XPO7: variants seen among roughly 807,000 people sequenced by gnomAD.
XPO7 encodes exportin-7.
XPO7 carries 21 observed loss-of-function variants against 144.3 expected under a neutral mutation model. That is an observed-to-expected ratio of 0.15 (90% CI 0.10 to 0.21). The LOEUF (loss-of-function observed/expected upper bound fraction) is 0.21. XPO7 is among the 10% of genes least tolerant of loss of function. XPO7 has a pLI of 1.00. For missense variants in XPO7, 808 were observed against 1,325.8 expected, an observed-to-expected ratio of 0.61 and a Z score of 6.06; for synonymous variants, 580 against 499.6, an observed-to-expected ratio of 1.16 and a Z score of -2.15.
chr8:21,925,681 G>C (rs141546104), intron 1 of XPO7, among the ~76,000 whole-genome samples: 72 of 152,264 alleles, frequency 4.7e-4, no homozygotes, highest in Non-Finnish European at 9.1e-4. Flanking sequence ...TGGGAAACTC[G>C]TTTGGTCTCT....
chr8:21,998,711 A>G lies in XPO7; in HGVS notation c.2346-44A>G, dbSNP rs773713306. 27 of 1,587,364 alleles carry G rather than the reference A, an allele frequency of 1.7e-5. No individual in the cohort carries two copies. In the Admixed American group the frequency reaches 3.0e-4, roughly 18 times the overall value. Reference sequence around the variant, plus strand: ...GAGCCTCAAGTACCCCAGTCTTCCAAGAAAACACCTCTGACTTTTTCTCCT... The same window carrying G: ...GAGCCTCAAGTACCCCAGTCTTCCAGGAAAACACCTCTGACTTTTTCTCCT... On this transcript the variant is annotated intron_variant, in intron 21 of 27. Coordinates refer to ENST00000252512, the MANE Select transcript of XPO7 (RefSeq NM_015024.5).
Position 21,987,332 on chromosome 8 carries a change from T to C in XPO7, c.1713+56T>C, listed in dbSNP as rs1007770580. ...TCTCACTTCTCACTTGTGGGATTGC[T>C]GATGGAGGGAAACAGTTGCTGATAG... On this transcript the variant is annotated intron_variant, in intron 14 of 27. Transcript: ENST00000252512. 4.4e-6 allele frequency: 7 copies of C among 1,607,452 alleles called. No individual in the cohort carries two copies. The African/African-American group carries it at 9.4e-5, about 21-fold the overall frequency.
At chr8:21,945,792 C>G (rs1811171881) in intron 1 of XPO7, among the ~76,000 whole-genome samples, 1 of 152,132 alleles carries the variant, frequency 6.6e-6, no homozygotes, top group Non-Finnish European at 1.5e-5. Flanking sequence ...TTGAATAAGC[C>G]TCCTTTTTTA....
chr8:21,976,205 G>A (rs1015863750), intron 6 of XPO7, 151 bp from the exon 7 acceptor site: 4 of 765,990 alleles, frequency 5.2e-6, no homozygotes, highest in Non-Finnish European at 6.5e-6. Context: ...AGTCACAGGT[G>A]ATAGAAGTAC....
In XPO7 at chr8:21,992,039, C is replaced by A; in HGVS notation, c.2148+65C>A. 5 of 1,334,288 alleles carry A rather than the reference C, an allele frequency of 3.7e-6. No homozygotes were observed. The South Asian group carries it at 4.0e-5, about 11-fold the overall frequency. The allele number at this position is 1,334,288 out of a possible 1,614,324, so 82.7% of individuals were successfully genotyped here. A position where few individuals can be genotyped will look rare whatever the true frequency, so the allele number is the denominator to read the frequency against. ...TTTAGGGCAGTCTCTGATTGAAAAT[C>A]GTGCTTGACTGTAAACTATCCACTG... On this transcript the variant is annotated intron_variant, in intron 19 of 27. Transcript: ENST00000252512.
intron 1 of XPO7, chr8:21,964,067 T>C (rs1811809588): frequency 1.3e-5 from 2 of 152,350 alleles, no homozygotes; most frequent in Middle Eastern, 3.4e-3. Context: ...GAGTTTCTTA[T>C]ACTAAAAAGC....
chr8:21,962,084 C>T lies in XPO7; in HGVS notation c.19-4773C>T, dbSNP rs79902953. 8.5e-5 allele frequency among the ~76,000 whole-genome samples: 13 copies of T among 152,308 alleles called. No homozygotes were observed. In the East Asian group the frequency reaches 1.5e-3, roughly 18 times the overall value. ...GCTTGGCTTATTCTCTTGTAAATTA[C>T]GTAAACAAGTATTTGGCACTGACTT... On this transcript the variant is annotated intron_variant, in intron 1 of 27. Coordinates refer to ENST00000252512, the MANE Select transcript of XPO7 (RefSeq NM_015024.5).
At position 21,998,842 on chromosome 8, in the gene XPO7, G is replaced by GTA. The variant is rs779355220; in HGVS notation, c.2428+6_2428+7insAT. ...GCAAGATGATAACAATGTATGGTAAGTGCTTCAGATAATCATGCCTCTAGA... is the reference window on the plus strand; with the variant it reads ...GCAAGATGATAACAATGTATGGTAAGTATGCTTCAGATAATCATGCCTCTAGA... On this transcript the variant is annotated splice_donor_region_variant and intron_variant, in intron 22 of 27. Transcript: ENST00000252512. The GTA allele has an allele frequency of 1.8e-5, 29 of 1,613,694 alleles. No homozygotes were observed. Among genetic ancestry groups the GTA allele is most frequent in the African/African-American group, 6.7e-5 (5 of 74,924 alleles).
In XPO7 at chr8:22,003,320, G is replaced by C; in HGVS notation, c.3042+3G>C. 1 of 1,604,952 alleles carries C rather than the reference G, an allele frequency of 6.2e-7. No homozygotes were observed. The highest frequency in any genetic ancestry group is 8.5e-7 in the Non-Finnish European group (1 of 1,175,620). On this transcript the variant is annotated splice_donor_region_variant and intron_variant, in intron 26 of 27. Transcript: ENST00000252512. The stretch of plus-strand genomic sequence containing the variant: ...GCTTGATATTGCTTAATGAAAAGGT[G>C]AGAGAGCCAGCTCCCTGGTGCCAAC...
chr8:21,970,366 A>G (rs1812015657), intron 4 of XPO7, 56 bp downstream of exon 4: 2 of 1,474,654 alleles, frequency 1.4e-6, no homozygotes, highest in South Asian at 1.2e-5. Flanking sequence ...ATACATATAT[A>G]TAAACACACA....
At chr8:21,945,191 A>C (rs1040291456) in intron 1 of XPO7, among the ~76,000 whole-genome samples, 1 of 152,036 alleles carries the variant, frequency 6.6e-6, no homozygotes, top group African/African-American at 2.4e-5. Context: ...AGCTGGGCAG[A>C]GGCGCCCCCC....
At chr8:21,963,928 C>G (rs1254213313) in intron 1 of XPO7, among the ~76,000 whole-genome samples, 1 of 152,166 alleles carries the variant, frequency 6.6e-6, no homozygotes, top group Non-Finnish European at 1.5e-5. Context: ...TGCATATCCT[C>G]TATCCAAGTT....
chr8:21,940,524 C>T (rs1485189051), intron 1 of XPO7, among the ~76,000 whole-genome samples: 2 of 150,708 alleles, frequency 1.3e-5, no homozygotes, highest in South Asian at 2.1e-4. Context: ...GGCTGGAGTG[C>T]GGTGGTGTGA....
intron 1 of XPO7, among the ~76,000 whole-genome samples, chr8:21,933,537 G>A (rs970032625): frequency 3.9e-5 from 6 of 152,132 alleles, no homozygotes; most frequent in African/African-American, 1.2e-4. Flanking sequence ...GTACAAGTCT[G>A]TTTAGCATTG....
chr8:21,983,216 T>C (rs933952710), intron 11 of XPO7, among the ~76,000 whole-genome samples: 2 of 152,266 alleles, frequency 1.3e-5, no homozygotes, highest in Non-Finnish European at 2.9e-5. Flanking sequence ...AATCTAGTTA[T>C]CAATTCTAAT....
intron 1 of XPO7, among the ~76,000 whole-genome samples, chr8:21,945,405 G>C (rs891974608): frequency 1.2e-4 from 19 of 152,164 alleles, no homozygotes; most frequent in African/African-American, 4.6e-4. Flanking sequence ...AATTATACTG[G>C]AACAGTTCTC....
intron 1 of XPO7, among the ~76,000 whole-genome samples, chr8:21,933,428 T>C (rs1810721060): frequency 6.6e-6 from 1 of 152,192 alleles, no homozygotes; most frequent in African/African-American, 2.4e-5. Flanking sequence ...TACAGTGTTA[T>C]TGTTGTTACT....
intron 1 of XPO7, among the ~76,000 whole-genome samples, chr8:21,954,314 A>G (rs1300753339): frequency 6.6e-6 from 1 of 152,212 alleles, no homozygotes; most frequent in African/African-American, 2.4e-5. Flanking sequence ...ATGTTGTATC[A>G]AATTGATCCT....
At chr8:21,985,114 T>A (rs140110463) in intron 12 of XPO7, among the ~76,000 whole-genome samples, 52 of 152,316 alleles carry the variant, frequency 3.4e-4, no homozygotes, top group Non-Finnish European at 4.9e-4. Context: ...GTGATCCTCC[T>A]GCCTCAGCCT....
Sources: allele counts gnomAD v4.1 joint callset (sites outside exome capture counted in the v4.1 genomes callset), GRCh38; gene constraint gnomAD v4.1.1; transcripts MANE v1.5; gene names NCBI Gene and HGNC (gene_info 2026-07-23, HGNC 2026-07-21).